The following PIP5K1B variants were observed in gnomAD, a reference collection of about 807,000 sequenced individuals.
PIP5K1B encodes the protein phosphatidylinositol 4-phosphate 5-kinase type-1 beta.
In PIP5K1B, 42 loss-of-function variants were observed where a neutral mutation model predicts 67.0. The observed-to-expected ratio is 0.63, with a 90% CI of 0.49 to 0.81. The LOEUF is 0.81. Among genes scored for constraint, PIP5K1B ranks in the 30% least tolerant of loss-of-function variants. PIP5K1B has a pLI of 0.00. For missense variants in PIP5K1B, 459 were observed against 646.3 expected (o/e 0.71, Z 3.14); for synonymous variants, 214 against 231.4 (o/e 0.92, Z 0.68).
At chr9:68,991,747 T>G (rs1043036242) in intron 15 of PIP5K1B, among the ~76,000 whole-genome samples, 1 of 152,188 alleles carries the variant, frequency 6.6e-6, no homozygotes, top group East Asian at 1.9e-4. Context: ...CCTTTCTGAC[T>G]GCCTAAGGAG....
chr9:68,894,831 A>G (rs538674958), intron 8 of PIP5K1B, among the ~76,000 whole-genome samples, 193 bp downstream of exon 8: 1 of 152,378 alleles, frequency 6.6e-6, no homozygotes, highest in South Asian at 2.1e-4. Flanking sequence ...GGAGTTATCT[A>G]GAGTCCTTAA....
intron 15 of PIP5K1B, among the ~76,000 whole-genome samples, chr9:69,003,516 G>T (rs1830922263): frequency 6.6e-6 from 1 of 151,548 alleles, no homozygotes; most frequent in Non-Finnish European, 1.5e-5. Flanking sequence ...ACTGCTCAGG[G>T]ATCATGGAGA....
chr9:68,762,884 A>C (rs1830248623), intron 2 of PIP5K1B, among the ~76,000 whole-genome samples: 1 of 152,118 alleles, frequency 6.6e-6, no homozygotes, highest in African/African-American at 2.4e-5. Flanking sequence ...TCCACGTGTT[A>C]ACATTTTCCT....
At chr9:68,834,100 G>A (rs1181593976) in intron 4 of PIP5K1B, among the ~76,000 whole-genome samples, 1 of 152,220 alleles carries the variant, frequency 6.6e-6, no homozygotes, top group Admixed American at 6.5e-5. Context: ...AGCTGGCCAA[G>A]TCACTGCCTT....
intron 11 of PIP5K1B, among the ~76,000 whole-genome samples, chr9:68,921,454 G>A (rs1413745487): frequency 6.6e-6 from 1 of 152,150 alleles, no homozygotes; most frequent in African/African-American, 2.4e-5. Context: ...AACATTGAAG[G>A]GGAGAGAGTG....
intron 2 of PIP5K1B, among the ~76,000 whole-genome samples, chr9:68,812,845 A>G (rs1833242050): frequency 6.6e-6 from 1 of 152,182 alleles, no homozygotes; most frequent in Non-Finnish European, 1.5e-5. Flanking sequence ...ATCTCCACGT[A>G]TTTACTTCTT....
At chr9:68,830,085 G>A (rs1053606567) in intron 4 of PIP5K1B, among the ~76,000 whole-genome samples, 1 of 151,988 alleles carries the variant, frequency 6.6e-6, no homozygotes, top group Non-Finnish European at 1.5e-5. Context: ...CTAGTAAACG[G>A]GTGCCGCTGT....
intron 1 of PIP5K1B, among the ~76,000 whole-genome samples, chr9:68,730,690 C>T (rs1056701273): frequency 6.6e-6 from 1 of 152,100 alleles, no homozygotes; most frequent in African/African-American, 2.4e-5. Flanking sequence ...GGACTTTGAC[C>T]TGGACTTTGT....
chr9:68,843,310 T>A (rs1049572392), intron 4 of PIP5K1B: 1 of 152,154 alleles, frequency 6.6e-6, no homozygotes, highest in African/African-American at 2.4e-5. Flanking sequence ...AGGGAGGAAA[T>A]GACTAGGAGG....
At chr9:68,906,058 G>A (rs187811300) in intron 8 of PIP5K1B, among the ~76,000 whole-genome samples, 6 of 152,092 alleles carry the variant, frequency 3.9e-5, no homozygotes, top group Admixed American at 2.6e-4. Flanking sequence ...TCATTCTGTT[G>A]CCCAGGCTGG....
At chr9:68,912,941 C>G (rs1457621881) in intron 8 of PIP5K1B, among the ~76,000 whole-genome samples, 2 of 152,218 alleles carry the variant, frequency 1.3e-5, no homozygotes, top group African/African-American at 2.4e-5. Context: ...TACAGGAACA[C>G]TCATGCATCA....
intron 12 of PIP5K1B, among the ~76,000 whole-genome samples, chr9:68,932,570 C>T (rs1041054631): frequency 2.6e-5 from 4 of 152,072 alleles, no homozygotes; most frequent in East Asian, 3.8e-4. Context: ...AAATCCTTAA[C>T]GTCTGGCTTA....
At chr9:68,861,663 C>T (rs372681656) in intron 4 of PIP5K1B, among the ~76,000 whole-genome samples, 3 of 152,238 alleles carry the variant, frequency 2.0e-5, no homozygotes, top group Admixed American at 6.5e-5. Flanking sequence ...AACAGTGTGG[C>T]GTATCGGGCC....
intron 12 of PIP5K1B, among the ~76,000 whole-genome samples, chr9:68,928,628 T>C (rs1826829253): frequency 6.6e-6 from 1 of 152,234 alleles, no homozygotes; most frequent in Non-Finnish European, 1.5e-5. Flanking sequence ...ATACCACTTA[T>C]TGAATAAGAT....
At chr9:68,789,892 T>G (rs1449676248) in intron 2 of PIP5K1B, among the ~76,000 whole-genome samples, 1 of 152,200 alleles carries the variant, frequency 6.6e-6, no homozygotes, top group African/African-American at 2.4e-5. Context: ...TTACATATTT[T>G]TTAACTGACT....
chr9:68,812,630 G>A (rs888414814), intron 2 of PIP5K1B, among the ~76,000 whole-genome samples: 2 of 152,104 alleles, frequency 1.3e-5, no homozygotes, highest in Non-Finnish European at 2.9e-5. Context: ...TCCTTACTTG[G>A]CCATTGGAAT....
intron 14 of PIP5K1B, among the ~76,000 whole-genome samples, chr9:68,984,184 AG>A (rs1830009632): frequency 6.6e-6 from 1 of 152,240 alleles, no homozygotes; most frequent in South Asian, 2.1e-4. Context: ...CTTACTCAGA[AG>A]GGTTAAGAAA....
intron 5 of PIP5K1B, among the ~76,000 whole-genome samples, chr9:68,874,192 T>A (rs994545023): frequency 2.6e-5 from 4 of 152,224 alleles, no homozygotes; most frequent in Non-Finnish European, 5.9e-5. Flanking sequence ...TATACAAATA[T>A]AATTTCTTGA....
At position 68,780,871 on chromosome 9, in the gene PIP5K1B, G is replaced by C. The variant is rs375979773; in HGVS notation, c.-85-37590G>C. The C allele has an allele frequency of 1.2e-5, 20 of 1,614,176 alleles. No individual in the cohort carries two copies. In the Admixed American group the frequency reaches 1.5e-4, roughly 12 times the overall value. On this transcript the variant is annotated intron_variant, in intron 2 of 15. Coordinates refer to ENST00000265382, the MANE Select transcript of PIP5K1B (RefSeq NM_003558.4). ...GACGTTGCACAGCTGTCAGATCCTG[G>C]TGTGTGTGTATCTTCGGATACCCTT... is the stretch of plus-strand genomic sequence containing the variant.
Sources: gnomAD v4.1 joint callset for allele counts (sites outside exome capture counted in the v4.1 genomes callset) on GRCh38, gnomAD v4.1.1 for gene constraint, MANE v1.5 for transcripts, NCBI Gene and HGNC (gene_info 2026-07-23, HGNC 2026-07-21) for gene names.